The following EML5 variants were observed in gnomAD, a reference collection of about 807,000 sequenced individuals.
The protein encoded by EML5 is EMAP like 5.
EML5 carries 120 observed loss-of-function variants against 250.0 expected under a neutral mutation model. That is an observed-to-expected ratio of 0.48 (90% CI 0.41 to 0.56). EML5 has a LOEUF of 0.56. EML5 is among the 20% of genes least tolerant of loss of function. The pLI is 0.00. For synonymous variants in EML5, 771 were observed against 806.5 expected (o/e 0.96, Z 0.75); for missense variants, 2,006 against 2,437.6 (o/e 0.82, Z 3.73).
chr14:88,663,826 T>C (rs1000362269), intron 23 of EML5, among the ~76,000 whole-genome samples: 6 of 151,288 alleles, frequency 4.0e-5, no homozygotes, highest in Non-Finnish European at 4.4e-5. Flanking sequence ...TGAGCCACCA[T>C]ACCTGGCCAA....
chr14:88,715,906 C>T (rs1198240223), intron 8 of EML5, among the ~76,000 whole-genome samples: 1 of 151,922 alleles, frequency 6.6e-6, no homozygotes. Flanking sequence ...AACTTTTTTT[C>T]AATGATGACT....
chr14:88,767,481 T>A (rs978523766), intron 1 of EML5, among the ~76,000 whole-genome samples: 1 of 152,174 alleles, frequency 6.6e-6, no homozygotes, highest in African/African-American at 2.4e-5. Context: ...CTGCATACTA[T>A]CATATACTTC....
intron 7 of EML5, among the ~76,000 whole-genome samples, chr14:88,733,124 A>G (rs2093786546): frequency 6.6e-6 from 1 of 152,220 alleles, no homozygotes; most frequent in South Asian, 2.1e-4. Flanking sequence ...AACTTAAAAC[A>G]AGAAGTGAGG....
chr14:88,748,548 T>C (rs2094042366), intron 2 of EML5, among the ~76,000 whole-genome samples: 1 of 152,136 alleles, frequency 6.6e-6, no homozygotes, highest in Non-Finnish European at 1.5e-5. Context: ...GCCAGAACAG[T>C]GTCCATATAC....
At chr14:88,646,908 C>T (rs1363175523) in intron 29 of EML5, 39 bp downstream of exon 29, 6 of 1,575,762 alleles carry the variant, frequency 3.8e-6, no homozygotes, top group Non-Finnish European at 5.1e-6. Flanking sequence ...GACAAAAATA[C>T]AAAGTTAGGC....
At chr14:88,737,535 G>A (rs2093862085) in intron 6 of EML5, among the ~76,000 whole-genome samples, 1 of 152,228 alleles carries the variant, frequency 6.6e-6, no homozygotes, top group South Asian at 2.1e-4. Context: ...GCCCGCCATG[G>A]AGGTCTCCAG....
intron 7 of EML5, among the ~76,000 whole-genome samples, chr14:88,732,160 T>C (rs1167312831): frequency 6.6e-6 from 1 of 152,204 alleles, no homozygotes; most frequent in African/African-American, 2.4e-5. Context: ...TCCTGAATGG[T>C]ATTGCCTAGG....
At chr14:88,678,846 G>A (rs1383204685) in intron 21 of EML5, among the ~76,000 whole-genome samples, 4 of 152,152 alleles carry the variant, frequency 2.6e-5, no homozygotes, top group African/African-American at 7.2e-5. Context: ...CCTAGAGGCT[G>A]TAACAAATGA....
chr14:88,743,967 A>G, intron 4 of EML5, 56 bp downstream of exon 4: 1 of 1,236,124 alleles, frequency 8.1e-7, no homozygotes, highest in Non-Finnish European at 1.1e-6. Flanking sequence ...AGTGCAATAT[A>G]TACTTAGCAG....
At chr14:88,705,054 T>G (rs2093290988) in intron 12 of EML5, 76 bp from the exon 13 acceptor site, 1 of 947,614 alleles carries the variant, frequency 1.1e-6, no homozygotes, top group Admixed American at 2.7e-5. Flanking sequence ...CCAATATAAC[T>G]TTCAGACATT....
chr14:88,621,448 A>G, intron 37 of EML5, 147 bp from the exon 38 acceptor site: 3 of 817,220 alleles, frequency 3.7e-6, no homozygotes, highest in Non-Finnish European at 5.9e-6. Flanking sequence ...AGCTCATGCA[A>G]ATTTTTCTAT....
chr14:88,678,463 T>G (rs957198061), intron 21 of EML5, among the ~76,000 whole-genome samples: 2 of 151,970 alleles, frequency 1.3e-5, no homozygotes, highest in Admixed American at 1.3e-4. Context: ...AAAAAAAAAT[T>G]TTAAAGCCAC....
intron 27 of EML5, among the ~76,000 whole-genome samples, chr14:88,652,205 A>C (rs1039978362): frequency 6.6e-6 from 1 of 152,194 alleles, no homozygotes; most frequent in African/African-American, 2.4e-5. Context: ...ATAATGAAAA[A>C]CTGGATGATC....
chr14:88,741,272 C>T (rs1951593898), intron 4 of EML5, among the ~76,000 whole-genome samples: 1 of 152,118 alleles, frequency 6.6e-6, no homozygotes. Flanking sequence ...AACATACTCT[C>T]TCTGATAGAA....
At chr14:88,704,772 G>T (rs2093284512) in intron 13 of EML5, 88 bp downstream of exon 13, 1 of 904,092 alleles carries the variant, frequency 1.1e-6, no homozygotes, top group East Asian at 2.5e-5. Context: ...CATTTCAGGG[G>T]ATACAGTCAG....
intron 1 of EML5, among the ~76,000 whole-genome samples, chr14:88,757,426 A>G (rs2094175896): frequency 6.6e-6 from 1 of 151,976 alleles, no homozygotes; most frequent in African/African-American, 2.4e-5. Flanking sequence ...TTTCTCAGAT[A>G]TAACACAAAG....
intron 7 of EML5, among the ~76,000 whole-genome samples, chr14:88,727,948 A>G (rs1049890394): frequency 6.6e-6 from 1 of 152,248 alleles, no homozygotes; most frequent in African/African-American, 2.4e-5. Context: ...ACTTCCATAT[A>G]ATCTAAAAGA....
chr14:88,616,450 AT>A, intron 42 of EML5: 1 of 614,488 alleles, frequency 1.6e-6, no homozygotes, highest in Non-Finnish European at 2.8e-6. Flanking sequence ...TACTCTGACC[AT>A]TTTTCTCTAA....
chr14:88,679,641 A>C (rs1212766186), intron 21 of EML5, among the ~76,000 whole-genome samples: 1 of 152,170 alleles, frequency 6.6e-6, no homozygotes, highest in African/African-American at 2.4e-5. Flanking sequence ...GCACTGAGCC[A>C]AGATCATGCC....
Sources: gnomAD v4.1 joint callset for allele counts (sites outside exome capture counted in the v4.1 genomes callset) on GRCh38, gnomAD v4.1.1 for gene constraint, MANE v1.5 for transcripts, NCBI Gene and HGNC (gene_info 2026-07-23, HGNC 2026-07-21) for gene names.